Variants in MAML2 observed in about 807,000 individuals in gnomAD.
MAML2 encodes the protein mastermind-like protein 2.
MAML2 carries 22 observed loss-of-function variants against 96.1 expected under a neutral mutation model. The ratio of observed to expected loss-of-function variants is 0.23; its 90% CI spans 0.16 to 0.33. The LOEUF is 0.33. Among genes scored for constraint, MAML2 ranks in the 10% least tolerant of loss-of-function variants. MAML2 has a pLI of 1.00. For missense variants in MAML2, 1,367 were observed against 1,392.4 expected, an observed-to-expected ratio of 0.98 and a Z score of 0.29; for synonymous variants, 561 against 521.3, an observed-to-expected ratio of 1.08 and a Z score of -1.04.
At chr11:96,076,428 T>TCACACA (rs1451144164) in intron 2 of MAML2, among the ~76,000 whole-genome samples, 6 of 88,316 alleles carry the variant, frequency 6.8e-5, no homozygotes, top group Middle Eastern at 5.3e-3. Flanking sequence ...TCTCTCTCTC[T>TCACACA]CTCTCACACA....
chr11:96,001,652 C>A (rs776238728), intron 2 of MAML2, among the ~76,000 whole-genome samples: 2 of 152,080 alleles, frequency 1.3e-5, no homozygotes, highest in African/African-American at 4.8e-5. Context: ...CACTCCCCAC[C>A]GCAAACGTTG....
chr11:96,169,659 C>CT (rs5793784), intron 1 of MAML2, among the ~76,000 whole-genome samples: 47,207 of 144,802 alleles, frequency 0.33, 8,435 homozygotes, highest in African/African-American at 0.46. Flanking sequence ...AGAAAGTAAA[C>CT]TTTTTTTTTT....
intron 1 of MAML2, among the ~76,000 whole-genome samples, chr11:96,116,795 T>TC (rs1860250841): frequency 6.6e-6 from 1 of 152,192 alleles, no homozygotes; most frequent in African/African-American, 2.4e-5. Context: ...ATCAAGAGAA[T>TC]CACTCAATAA....
intron 1 of MAML2, among the ~76,000 whole-genome samples, chr11:96,116,826 T>G (rs906355696): frequency 6.6e-6 from 1 of 152,206 alleles, no homozygotes; most frequent in Non-Finnish European, 1.5e-5. Flanking sequence ...GAGTATCTAC[T>G]AAGTGCAAAG....
At chr11:96,214,942 T>G (rs550680061) in intron 1 of MAML2, among the ~76,000 whole-genome samples, 159 of 152,352 alleles carry the variant, frequency 1.0e-3, no homozygotes, top group African/African-American at 3.6e-3. Flanking sequence ...CATGTGTCTT[T>G]GGAAATTGGC....
intron 1 of MAML2, among the ~76,000 whole-genome samples, chr11:96,237,190 C>A (rs1401808317): frequency 6.6e-6 from 1 of 152,012 alleles, no homozygotes; most frequent in Non-Finnish European, 1.5e-5. Flanking sequence ...AGTAATTTAC[C>A]TTCTCTTCTT....
chr11:96,195,822 A>T (rs1449419324), intron 1 of MAML2, among the ~76,000 whole-genome samples: 1 of 152,206 alleles, frequency 6.6e-6, no homozygotes, highest in Non-Finnish European at 1.5e-5. Flanking sequence ...CTACCAAACT[A>T]CTATCCATGT....
At chr11:95,990,628 GC>G (rs1857893747) in intron 3 of MAML2, among the ~76,000 whole-genome samples, 1 of 152,096 alleles carries the variant, frequency 6.6e-6, no homozygotes, top group South Asian at 2.1e-4. Context: ...GAGAGGATTT[GC>G]CTTGTTTATG....
At chr11:96,035,640 A>T (rs1325591250) in intron 2 of MAML2, among the ~76,000 whole-genome samples, 1 of 152,226 alleles carries the variant, frequency 6.6e-6, no homozygotes, top group Non-Finnish European at 1.5e-5. Flanking sequence ...AGAAGGAAGG[A>T]AGCACAGAGA....
At chr11:96,061,757 C>T (rs1859163097) in intron 2 of MAML2, among the ~76,000 whole-genome samples, 1 of 151,724 alleles carries the variant, frequency 6.6e-6, no homozygotes, top group Non-Finnish European at 1.5e-5. Flanking sequence ...TTCCTTTTTC[C>T]TTTTCTTTCC....
intron 1 of MAML2, among the ~76,000 whole-genome samples, chr11:96,276,231 G>A (rs1281116840): frequency 6.6e-6 from 1 of 152,184 alleles, no homozygotes; most frequent in Non-Finnish European, 1.5e-5. Flanking sequence ...AGAGACTTTT[G>A]TTTCCTTTTT....
At chr11:96,095,287 T>C (rs966450967) in intron 1 of MAML2, among the ~76,000 whole-genome samples, 1 of 152,230 alleles carries the variant, frequency 6.6e-6, no homozygotes, top group African/African-American at 2.4e-5. Flanking sequence ...AGTATAGAGC[T>C]GAGTGGGAAA....
chr11:96,061,250 T>C lies in MAML2; in HGVS notation c.2139+30642A>G, dbSNP rs539924595. ...TTAAGCAAAATGACAGTTATTCTTT[T>C]GATTACCAGAAGTAGTCTGCTTGGA... On this transcript the variant is annotated intron_variant, in intron 2 of 4. Coordinates refer to ENST00000524717, the MANE Select transcript of MAML2 (RefSeq NM_032427.4). Among the ~76,000 whole-genome samples the C allele has an allele frequency of 3.7e-4, 56 of 152,342 alleles. 1 individual carries two copies. The South Asian group carries it at 0.011, about 30-fold the overall frequency.
intron 2 of MAML2, among the ~76,000 whole-genome samples, chr11:96,064,999 G>A (rs1859223223): frequency 6.6e-6 from 1 of 152,162 alleles, no homozygotes; most frequent in South Asian, 2.1e-4. Context: ...AAACCAAGAA[G>A]CCAACATCTC....
chr11:96,006,990 C>G (rs1191604752), intron 2 of MAML2, among the ~76,000 whole-genome samples: 1 of 151,122 alleles, frequency 6.6e-6, no homozygotes, highest in African/African-American at 2.4e-5. Flanking sequence ...TAAATTATTT[C>G]TAGATATCAA....
intron 1 of MAML2, among the ~76,000 whole-genome samples, chr11:96,323,522 G>T (rs1863737547): frequency 1.3e-5 from 2 of 150,806 alleles, no homozygotes; most frequent in Admixed American, 6.6e-5. Flanking sequence ...AGAGATAAGA[G>T]GTTTTTGTGT....
At chr11:96,108,616 G>A (rs1027612820) in intron 1 of MAML2, among the ~76,000 whole-genome samples, 3 of 152,184 alleles carry the variant, frequency 2.0e-5, no homozygotes, top group African/African-American at 7.2e-5. Flanking sequence ...ACTGCTTAAA[G>A]CAGTTTCTGA....
intron 2 of MAML2, among the ~76,000 whole-genome samples, chr11:96,021,121 G>T (rs1289249689): frequency 1.3e-5 from 2 of 152,052 alleles, no homozygotes; most frequent in Non-Finnish European, 2.9e-5. Flanking sequence ...TCACCCTTGA[G>T]CCTAAATCAG....
At position 96,158,191 on chromosome 11, in the gene MAML2, C is replaced by A. The variant is rs966506459; in HGVS notation, c.514-64674G>T. Among the ~76,000 whole-genome samples the A allele has an allele frequency of 2.6e-5, 4 of 152,328 alleles. No homozygotes were observed. In the South Asian group the frequency reaches 8.3e-4, roughly 32 times the overall value. ...TAATAGGTGCTACAAGAGTCCTATACACTCCAAGATTTGGTGAAAAATCAT... is the reference window on the plus strand; with the variant it reads ...TAATAGGTGCTACAAGAGTCCTATAAACTCCAAGATTTGGTGAAAAATCAT... On this transcript the variant is annotated intron_variant, in intron 1 of 4. Transcript: ENST00000524717.
Sources: allele counts gnomAD v4.1 joint callset (sites outside exome capture counted in the v4.1 genomes callset), GRCh38; gene constraint gnomAD v4.1.1; transcripts MANE v1.5; gene names NCBI Gene and HGNC (gene_info 2026-07-23, HGNC 2026-07-21).